The following COG4 variants were observed in gnomAD, a reference collection of about 807,000 sequenced individuals.
COG4 encodes component of oligomeric golgi complex 4.
Under a neutral mutation model 95.1 loss-of-function variants are expected in COG4, and 65 were observed. The observed-to-expected ratio is 0.68, with a 90% CI of 0.56 to 0.84. COG4 has a LOEUF of 0.84. Ranked by LOEUF, COG4 falls within the 40% of genes least tolerant of loss-of-function variation. COG4 has a pLI of 0.00. For missense variants in COG4, 1,045 were observed against 989.1 expected (o/e 1.06, Z -0.76); for synonymous variants, 421 against 374.8 (o/e 1.12, Z -1.42).
At chr16:70,496,805 T>C (rs1028017531) in intron 11 of COG4, among the ~76,000 whole-genome samples, 14 of 152,168 alleles carry the variant, frequency 9.2e-5, no homozygotes, top group African/African-American at 3.1e-4. Flanking sequence ...TGGTGGATCT[T>C]TGACGAGGAC....
intron 2 of COG4, among the ~76,000 whole-genome samples, chr16:70,518,452 G>A (rs186105296): frequency 1.5e-3 from 230 of 152,010 alleles, no homozygotes; most frequent in Middle Eastern, 0.014. Context: ...TCCAACTTCT[G>A]GGCTCAAATG....
rs1170462603 is a variant in COG4, at chr16:70,514,435, A to T, written c.444T>A (p.Thr148=). Residue 148 remains threonine (T), a synonymous_variant, in exon 4 of 19, where the codon ACT becomes ACA. Coordinates refer to ENST00000323786, the MANE Select transcript of COG4 (RefSeq NM_015386.3). ...GCTCATAATCTTCACTCCTCAAAGC[A>T]GTCTGAACTCCATCCATGCAGAACT... The part of the protein sequence containing the change: ...DLKFCMDGVQ[T]ALRSEDYEQA... 3 of 1,613,968 alleles carry T rather than the reference A, an allele frequency of 1.9e-6. No homozygotes were observed. In the East Asian group the frequency reaches 6.7e-5, roughly 36 times the overall value.
chr16:70,512,490 T>C, intron 4 of COG4, 58 bp from the exon 5 acceptor site: 3 of 1,399,896 alleles, frequency 2.1e-6, no homozygotes, highest in Non-Finnish European at 3.0e-6. Context: ...GGCAGGTCCA[T>C]GCCACTTTGT....
At chr16:70,485,206 T>TC (rs892176569) in intron 13 of COG4, among the ~76,000 whole-genome samples, 17 of 108,280 alleles carry the variant, frequency 1.6e-4, no homozygotes, top group African/African-American at 6.3e-4. Flanking sequence ...CCTGTCTCTC[T>TC]TTTTTTTTTT....
intron 8 of COG4, among the ~76,000 whole-genome samples, chr16:70,503,122 C>G (rs2049487904): frequency 6.6e-6 from 1 of 152,190 alleles, no homozygotes; most frequent in Admixed American, 6.5e-5. Flanking sequence ...ACAATCACAG[C>G]TCACTGCAGG....
intron 12 of COG4, among the ~76,000 whole-genome samples, chr16:70,491,824 C>CAAAAAAA (rs772831502): frequency 2.6e-3 from 156 of 58,906 alleles, no homozygotes; most frequent in Non-Finnish European, 5.4e-3. Flanking sequence ...AACTACGTCT[C>CAAAAAAA]AAAAAAAAAA....
In COG4 at chr16:70,509,264, G is replaced by C. The variant is rs1567389748; in HGVS notation, c.969C>G (p.Asp323Glu). The C allele has an allele frequency of 6.2e-7, 1 of 1,613,992 alleles. No homozygotes were observed. The highest frequency in any genetic ancestry group is 8.5e-7 in the Non-Finnish European group (1 of 1,180,022). ...ECDRQVEKVV[D>E]KFIKQRDYHQ... Reference sequence around the variant, plus strand: ...GGTAGTCCCTTTGCTTGATGAACTTGTCTACCACCTTCTCCACCTGTCTGT... The same window carrying C: ...GGTAGTCCCTTTGCTTGATGAACTTCTCTACCACCTTCTCCACCTGTCTGT... The change falls in exon 7 of 19, where the codon GAC (aspartate) becomes GAG (glutamate). Residue 323 changes from aspartate to glutamate, a missense_variant. Coordinates refer to ENST00000323786, the MANE Select transcript of COG4 (RefSeq NM_015386.3).
rs985941770 is a variant in COG4 at position 70,497,282 on chromosome 16, T to C, written c.1420A>G (p.Ser474Gly). The C allele has an allele frequency of 2.5e-6, 4 of 1,614,170 alleles. No homozygotes were observed. Among genetic ancestry groups the C allele is most frequent in the Non-Finnish European group, 3.4e-6 (4 of 1,180,032 alleles). The change falls in exon 11 of 19, where the codon AGC becomes GGC. Residue 474 changes from serine (S) to glycine (G), a missense_variant. Physicochemically the swap from Ser to Gly is moderately conservative, Grantham distance 56 (BLOSUM62 0). Coordinates refer to ENST00000323786, the MANE Select transcript of COG4 (RefSeq NM_015386.3). ...ATCATGGCACAGAGACAGTCAATGC[T>C]GGAGCTGGACAGAGCCCGCCCAATG... is the stretch of plus-strand genomic sequence containing the variant. The part of the protein sequence containing the change: ...KCIGRALSSS[S>G]IDCLCAMINL...
intron 15 of COG4, 157 bp downstream of exon 15, chr16:70,482,572 G>A: frequency 1.4e-6 from 1 of 706,404 alleles, no homozygotes; most frequent in South Asian, 1.5e-5. Context: ...GGGACAAACT[G>A]TTTCCTGGGA....
Position 70,482,594 on chromosome 16 carries a change from TTCATGGG to T in COG4, c.1920+128_1920+134del, listed in dbSNP as rs2049020708. 3 of 746,876 alleles carry T rather than the reference TTCATGGG, an allele frequency of 4.0e-6. No homozygotes were observed. The Admixed American group carries it at 6.0e-5, about 15-fold the overall frequency. 46.3% of individuals were successfully genotyped at this position (746,876 alleles called of 1,614,324 possible). ...ACTGTTTCCTGGGAGGAACCTAGTC[TTCATGGG>T]TCAGGGTGGGGGAAGTGGGCCTGGG... is the stretch of plus-strand genomic sequence containing the variant. On this transcript the variant is annotated intron_variant, in intron 15 of 18. Coordinates refer to ENST00000323786, the MANE Select transcript of COG4 (RefSeq NM_015386.3).
intron 3 of COG4, 39 bp downstream of exon 3, chr16:70,517,587 C>CAAAAAAAAAAA: frequency 4.0e-6 from 2 of 506,188 alleles, no homozygotes; most frequent in Non-Finnish European, 3.3e-6. Context: ...GACCCTGTCT[C>CAAAAAAAAAAA]AAAAAAAAAA....
chr16:70,481,055 C>T lies in COG4; in HGVS notation c.2325G>A (p.Leu775=). 6.2e-7 allele frequency: 1 copy of T among 1,613,320 alleles called. No homozygotes were observed. The highest frequency in any genetic ancestry group is 1.1e-5 in the South Asian group (1 of 91,082). Residue 775 remains leucine (L), a synonymous_variant, in exon 19 of 19, where the codon CTG becomes CTA. Transcript: ENST00000323786. ...TPAEVRQVLA[L]RIDFRSEDIK... is the part of the protein sequence containing the mutation. The stretch of plus-strand genomic sequence containing the variant: ...TATCTTCACTGCGGAAGTCTATCCG[C>T]AGGGCCAGCACCTGGCGCACTTCAG...
chr16:70,514,622 T>C lies in COG4; in HGVS notation c.370-113A>G. On this transcript the variant is annotated intron_variant, in intron 3 of 18. Transcript: ENST00000323786. The stretch of plus-strand genomic sequence containing the variant: ...GATCAACCATATGTCAATAGCAATC[T>C]CACAAACACCACCACTACTGTTAAC... 4.8e-6 allele frequency: 4 copies of C among 833,086 alleles called. No individual in the cohort carries two copies. The South Asian group carries it at 5.7e-5, about 12-fold the overall frequency. The allele number at this position is 833,086 out of a possible 1,614,324, so 51.6% of individuals were successfully genotyped here.
At chr16:70,504,278 T>C (rs548611594) in intron 8 of COG4, among the ~76,000 whole-genome samples, 97 of 152,214 alleles carry the variant, frequency 6.4e-4, no homozygotes, top group African/African-American at 2.2e-3. Flanking sequence ...CTAACCATCT[T>C]ACAATGCGTA....
At chr16:70,490,439 GCCAC>G (rs747810110) in intron 12 of COG4, 47 bp from the exon 13 acceptor site, 1 of 1,501,038 alleles carries the variant, frequency 6.7e-7, no homozygotes, top group South Asian at 1.1e-5. Context: ...GACTGTGCCT[GCCAC>G]CCACTCCAAT....
chr16:70,494,891 T>C (rs1326651202), intron 12 of COG4, among the ~76,000 whole-genome samples: 1 of 152,164 alleles, frequency 6.6e-6, no homozygotes, highest in Admixed American at 6.6e-5. Flanking sequence ...AACCATGATA[T>C]CCTAGATTGA....
chr16:70,503,064 G>C (rs1227026551), intron 8 of COG4, among the ~76,000 whole-genome samples: 2 of 151,658 alleles, frequency 1.3e-5, no homozygotes, highest in Admixed American at 6.6e-5. Context: ...TTCTTTTTTT[G>C]TTTTGAGATA....
chr16:70,489,847 C>G (rs1440715144), intron 13 of COG4, among the ~76,000 whole-genome samples: 1 of 151,650 alleles, frequency 6.6e-6, no homozygotes, highest in Admixed American at 6.6e-5. Context: ...GAGATAGAGT[C>G]TGCTCTGTCG....
At chr16:70,490,682 GTTTGTTTT>G (rs1412287663) in intron 12 of COG4, among the ~76,000 whole-genome samples, 2 of 151,876 alleles carry the variant, frequency 1.3e-5, no homozygotes, top group South Asian at 2.1e-4. Flanking sequence ...TTCTTTTTTT[GTTTGTTTT>G]TTTGTTTTTT....
Sources: allele counts gnomAD v4.1 joint callset (sites outside exome capture counted in the v4.1 genomes callset), GRCh38; gene constraint gnomAD v4.1.1; transcripts MANE v1.5; gene names NCBI Gene and HGNC (gene_info 2026-07-23, HGNC 2026-07-21).